TBX18: variants seen among roughly 807,000 people sequenced by gnomAD.
TBX18 encodes the protein T-box transcription factor TBX18.
Under a neutral mutation model 55.0 loss-of-function variants are expected in TBX18, and 21 were observed. The observed-to-expected ratio is 0.38, with a 90% CI of 0.27 to 0.55. The LOEUF (loss-of-function observed/expected upper bound fraction) is 0.55. Among genes scored for constraint, TBX18 ranks in the 20% least tolerant of loss-of-function variants. TBX18 has a pLI of 0.73. For synonymous variants in TBX18, 342 were observed against 326.1 expected, an observed-to-expected ratio of 1.05 and a Z score of -0.53; for missense variants, 840 against 799.6, an observed-to-expected ratio of 1.05 and a Z score of -0.61.
At chr6:84,761,502 G>T (rs1399188409) in intron 2 of TBX18, among the ~76,000 whole-genome samples, 1 of 152,100 alleles carries the variant, frequency 6.6e-6, no homozygotes, top group Non-Finnish European at 1.5e-5. Flanking sequence ...ATTAATAAAA[G>T]CTCTGTGAAA....
At chr6:84,756,472 A>G (rs1767489271) in intron 4 of TBX18, among the ~76,000 whole-genome samples, 1 of 152,248 alleles carries the variant, frequency 6.6e-6, no homozygotes, top group South Asian at 2.1e-4. Context: ...CTTTCAGTCC[A>G]ATAAAAATGC....
rs1464204303 is a variant in TBX18, at chr6:84,736,105, C to T, written c.*580G>A. On this transcript the variant is annotated 3_prime_UTR_variant, in exon 8 of 8. Coordinates refer to ENST00000369663, the MANE Select transcript of TBX18 (RefSeq NM_001080508.3). The stretch of plus-strand genomic sequence containing the variant: ...TATGATTTTTTTATAGACCCAAGGT[C>T]ATATAGTATGTGTGGTAAATAATAA... The T allele has an allele frequency of 1.3e-5, 2 of 152,302 alleles. No individual in the cohort carries two copies. Among genetic ancestry groups the T allele is most frequent in the African/African-American group, 4.8e-5 (2 of 41,330 alleles). 9.4% of individuals were successfully genotyped at this position (152,302 alleles called of 1,614,324 possible). A position where few individuals can be genotyped will look rare whatever the true frequency, so the allele number is the denominator to read the frequency against.
At chr6:84,738,387 G>A (rs1766940746) in intron 7 of TBX18, 110 bp downstream of exon 7, 2 of 869,120 alleles carry the variant, frequency 2.3e-6, no homozygotes, top group East Asian at 4.9e-5. Flanking sequence ...GGACAATGCT[G>A]GTGATGAGGT....
rs757589148 is a variant in TBX18 at position 84,737,319 on chromosome 6, G to A, written c.1190C>T (p.Ser397Phe). Residue 397 changes from serine (S) to phenylalanine (F), a missense_variant, in exon 8 of 8, where the codon TCT becomes TTT. By Grantham distance (155) the Ser-to-Phe change is radical (BLOSUM62 -2). Transcript: ENST00000369663. ...GTTGGGCCCCAGATGGAAGGCAGGA[G>A]AGGAGCAAGAGGAGCCAGACAAAAG... Reference protein sequence around the residue: ...PHLLSGSSCSSPAFHLGPNTS... With the variant: ...PHLLSGSSCSFPAFHLGPNTS... The A allele has an allele frequency of 6.3e-7, 1 of 1,595,450 alleles. No homozygotes were observed. Among genetic ancestry groups the A allele is most frequent in the Non-Finnish European group, 8.5e-7 (1 of 1,170,984 alleles).
chr6:84,748,173 A>C, intron 4 of TBX18, 86 bp from the exon 5 acceptor site: 1 of 997,834 alleles, frequency 1.0e-6, no homozygotes, highest in Non-Finnish European at 1.4e-6. Context: ...TGTACAATCA[A>C]TTCTGATTGG....
In TBX18 at chr6:84,735,806, T is replaced by C. The variant is rs1056312735; in HGVS notation, c.*879A>G. ...TGATTTAAAAGATAGACATTTCTCA[T>C]TGGAATCAATGAATTTGAGGTGGAT... On this transcript the variant is annotated 3_prime_UTR_variant, in exon 8 of 8. Transcript: ENST00000369663. The C allele has an allele frequency of 1.3e-5, 2 of 152,188 alleles. No individual in the cohort carries two copies. Among genetic ancestry groups the C allele is most frequent in the East Asian group, 1.9e-4 (1 of 5,202 alleles). The allele number at this position is 152,188 out of a possible 1,614,324, so 9.4% of individuals were successfully genotyped here. A position where few individuals can be genotyped will look rare whatever the true frequency, so the allele number is the denominator to read the frequency against.
intron 1 of TBX18, 72 bp from the exon 2 acceptor site, chr6:84,762,820 C>T: frequency 1.4e-6 from 2 of 1,428,008 alleles, no homozygotes; most frequent in Non-Finnish European, 1.9e-6. Flanking sequence ...GAGACGGGCC[C>T]ACCTGGTGGC....
intron 1 of TBX18, chr6:84,763,268 G>A (rs1767707440): frequency 2.5e-6 from 1 of 398,390 alleles, no homozygotes; most frequent in South Asian, 1.9e-5. Context: ...CGGGCCGGAG[G>A]CATCTTCTAG....
At chr6:84,756,100 T>C (rs563588461) in intron 4 of TBX18, among the ~76,000 whole-genome samples, 11 of 152,328 alleles carry the variant, frequency 7.2e-5, no homozygotes, top group Admixed American at 3.9e-4. Context: ...CTGGGAACAA[T>C]ACTGCATAAA....
Position 84,736,785 on chromosome 6 carries a change from A to C in TBX18, c.1724T>G (p.Val575Gly), listed in dbSNP as rs1410314259. ...CTGACCCCCACTGCTAAGCAGGTGC[A>C]CTCCTTCCACAGGGGGCAACATCTG... is the stretch of plus-strand genomic sequence containing the variant. ...DRQMLPPVEG[V>G]HLLSSGGQQS... Residue 575 changes from valine to glycine, a missense_variant, in exon 8 of 8, where the codon GTG becomes GGG. By Grantham distance (109) the Val-to-Gly change is moderately radical (BLOSUM62 -3). Transcript: ENST00000369663. 1 of 1,613,742 alleles carries C rather than the reference A, an allele frequency of 6.2e-7. No homozygotes were observed. Among genetic ancestry groups the C allele is most frequent in the African/African-American group, 1.3e-5 (1 of 74,834 alleles).
intron 7 of TBX18, among the ~76,000 whole-genome samples, chr6:84,737,827 A>C (rs1766922614): frequency 6.6e-6 from 1 of 152,210 alleles, no homozygotes; most frequent in Non-Finnish European, 1.5e-5. Context: ...GGTGTTTTAT[A>C]TAGTGTCTCA....
In TBX18 at chr6:84,736,461, A is replaced by C; in HGVS notation, c.*224T>G. ...CCGTGCAACTGGATGAAACAGGGGA[A>C]CAATAGGGGCCGTGATACTCCATGT... On this transcript the variant is annotated 3_prime_UTR_variant, in exon 8 of 8. Transcript: ENST00000369663. 2 of 375,204 alleles carry C rather than the reference A, an allele frequency of 5.3e-6. No homozygotes were observed. Among genetic ancestry groups the C allele is most frequent in the Non-Finnish European group, 9.1e-6 (2 of 219,454 alleles). 23.2% of individuals were successfully genotyped at this position (375,204 alleles called of 1,614,324 possible).
At position 84,735,898 on chromosome 6, in the gene TBX18, A is replaced by G. The variant is rs976736730; in HGVS notation, c.*787T>C. ...CCCTGGTGAAAATTGGAATTTAAAA[A>G]TGTTTATAGAACATTCTTTAATGGT... On this transcript the variant is annotated 3_prime_UTR_variant, in exon 8 of 8. Coordinates refer to ENST00000369663, the MANE Select transcript of TBX18 (RefSeq NM_001080508.3). The G allele has an allele frequency of 1.3e-5, 2 of 152,170 alleles. No individual in the cohort carries two copies. The highest frequency in any genetic ancestry group is 4.8e-5 in the African/African-American group (2 of 41,444). The allele number at this position is 152,170 out of a possible 1,614,324, so 9.4% of individuals were successfully genotyped here. A position where few individuals can be genotyped will look rare whatever the true frequency, so the allele number is the denominator to read the frequency against.
At chr6:84,742,636 T>C (rs1401771473) in intron 6 of TBX18, 1 of 152,148 alleles carries the variant, frequency 6.6e-6, no homozygotes, top group African/African-American at 2.4e-5. Flanking sequence ...CCTGAGTCAG[T>C]AGCAGTGAAG....
Position 84,736,591 on chromosome 6 carries a change from A to G in TBX18, c.*94T>C, listed in dbSNP as rs1429963866. On this transcript the variant is annotated 3_prime_UTR_variant, in exon 8 of 8. Coordinates refer to ENST00000369663, the MANE Select transcript of TBX18 (RefSeq NM_001080508.3). ...TCATTTTCTATTATATGTACATTTT[A>G]TAAACCACAGAGAGTTTCTTTCCAC... The G allele has an allele frequency of 7.2e-7, 1 of 1,391,006 alleles. No individual in the cohort carries two copies. Among genetic ancestry groups the G allele is most frequent in the East Asian group, 2.5e-5 (1 of 40,062 alleles). The allele number at this position is 1,391,006 out of a possible 1,614,324, so 86.2% of individuals were successfully genotyped here.
chr6:84,732,522 G>A lies in TBX18; in HGVS notation c.*4163C>T, dbSNP rs1773831095. ...TTTCTCGAGGATTTAAATGTATTTT[G>A]AATGGACTTGGAATGATCTCCATAT... On this transcript the variant is annotated 3_prime_UTR_variant, in exon 8 of 8. Coordinates refer to ENST00000369663, the MANE Select transcript of TBX18 (RefSeq NM_001080508.3). 1 of 151,990 alleles carries A rather than the reference G, an allele frequency of 6.6e-6. No individual in the cohort carries two copies. Among genetic ancestry groups the A allele is most frequent in the African/African-American group, 2.4e-5 (1 of 41,418 alleles). 9.4% of individuals were successfully genotyped at this position (151,990 alleles called of 1,614,324 possible).
At position 84,764,210 on chromosome 6, in the gene TBX18, C is replaced by G. The variant is rs776742886; in HGVS notation, c.-29G>C. On this transcript the variant is annotated 5_prime_UTR_variant, in exon 1 of 8. Transcript: ENST00000369663. ...CCCCGCCCCGCGCCCGCCCGCCCCTCTCTCATATACACTCACGCGGGCACA... is the reference window on the plus strand; with the variant it reads ...CCCCGCCCCGCGCCCGCCCGCCCCTGTCTCATATACACTCACGCGGGCACA... 7.0e-7 allele frequency: 1 copy of G among 1,423,254 alleles called. No individual in the cohort carries two copies. Among genetic ancestry groups the G allele is most frequent in the Non-Finnish European group, 9.1e-7 (1 of 1,096,470 alleles). 88.2% of individuals were successfully genotyped at this position (1,423,254 alleles called of 1,614,324 possible). A position where few individuals can be genotyped will look rare whatever the true frequency, so the allele number is the denominator to read the frequency against.
chr6:84,735,669 T>G lies in TBX18; in HGVS notation c.*1016A>C. ...TAAATAAGTAGCATAAATGCATTTT[T>G]TTTACTTATATACTATCGGTCAGGA... On this transcript the variant is annotated 3_prime_UTR_variant, in exon 8 of 8. Transcript: ENST00000369663. The G allele has an allele frequency of 1.3e-5, 2 of 152,206 alleles. No individual in the cohort carries two copies. Among genetic ancestry groups the G allele is most frequent in the Non-Finnish European group, 2.9e-5 (2 of 68,034 alleles). 9.4% of individuals were successfully genotyped at this position (152,206 alleles called of 1,614,324 possible). A position where few individuals can be genotyped will look rare whatever the true frequency, so the allele number is the denominator to read the frequency against.
Position 84,736,036 on chromosome 6 carries a change from G to A in TBX18, c.*649C>T, listed in dbSNP as rs1431824995. 1 of 151,940 alleles carries A rather than the reference G, an allele frequency of 6.6e-6. No individual in the cohort carries two copies. The highest frequency in any genetic ancestry group is 1.5e-5 in the Non-Finnish European group (1 of 67,968). The allele number at this position is 151,940 out of a possible 1,614,324, so 9.4% of individuals were successfully genotyped here. A position where few individuals can be genotyped will look rare whatever the true frequency, so the allele number is the denominator to read the frequency against. Reference sequence around the variant, plus strand: ...GAAAGTGTAAAAAAAAAAATCACAAGCCTCTCCTTTACCTTCCTTAAGAAA... The same window carrying A: ...GAAAGTGTAAAAAAAAAAATCACAAACCTCTCCTTTACCTTCCTTAAGAAA... On this transcript the variant is annotated 3_prime_UTR_variant, in exon 8 of 8. Transcript: ENST00000369663.
Sources: allele counts gnomAD v4.1 joint callset (sites outside exome capture counted in the v4.1 genomes callset), GRCh38; gene constraint gnomAD v4.1.1; transcripts MANE v1.5; gene names NCBI Gene and HGNC (gene_info 2026-07-23, HGNC 2026-07-21).